CA10: variants seen among roughly 807,000 people sequenced by gnomAD.
CA10 encodes carbonic anhydrase 10 (inactive).
CA10 carries 14 observed loss-of-function variants against 44.2 expected under a neutral mutation model. That is an observed-to-expected ratio of 0.32 (90% CI 0.21 to 0.50). The LOEUF is 0.50. Among genes scored for constraint, CA10 ranks in the 20% least tolerant of loss-of-function variants. The pLI, the probability that CA10 is intolerant of heterozygous loss-of-function variation, is 0.99. For missense variants in CA10, 350 were observed against 409.7 expected, an observed-to-expected ratio of 0.85 and a Z score of 1.26; for synonymous variants, 159 against 141.6, an observed-to-expected ratio of 1.12 and a Z score of -0.87.
At chr17:51,969,613 G>A (rs1007369775) in intron 2 of CA10, among the ~76,000 whole-genome samples, 2 of 151,932 alleles carry the variant, frequency 1.3e-5, no homozygotes, top group East Asian at 1.9e-4. Context: ...GATTGGAACC[G>A]TAAGAAACAG....
rs1914828765 is a variant in CA10 at position 51,681,009 on chromosome 17, A to AGATAAGAT, written c.466-27281_466-27274dup. ...AGGGAATATTTATGGTGCCTATGAA[A>AGATAAGAT]GATAAGATTTGCATGATGGGTGAAG... On this transcript the variant is annotated intron_variant, in intron 4 of 8. Transcript: ENST00000451037. Among the ~76,000 whole-genome samples, 5 of 152,270 alleles carry AGATAAGAT rather than the reference A, an allele frequency of 3.3e-5. No homozygotes were observed. The South Asian group carries it at 1.0e-3, about 32-fold the overall frequency.
At chr17:51,748,728 G>A (rs1405420133) in intron 3 of CA10, among the ~76,000 whole-genome samples, 1 of 152,148 alleles carries the variant, frequency 6.6e-6, no homozygotes, top group African/African-American at 2.4e-5. Flanking sequence ...TGCTTACTCT[G>A]ACTTTGGGCC....
intron 3 of CA10, chr17:51,761,436 T>C (rs570533743): frequency 1.3e-5 from 2 of 152,184 alleles, no homozygotes; most frequent in African/African-American, 2.4e-5. Flanking sequence ...AACCTCTTAA[T>C]ATCTCTCCTA....
intron 4 of CA10, among the ~76,000 whole-genome samples, chr17:51,686,805 G>A (rs1361836996): frequency 6.6e-6 from 1 of 152,032 alleles, no homozygotes; most frequent in African/African-American, 2.4e-5. Context: ...CCCATCCACT[G>A]ATCTCTCAAG....
At chr17:52,144,561 A>G (rs974098685) in intron 1 of CA10, among the ~76,000 whole-genome samples, 7 of 152,318 alleles carry the variant, frequency 4.6e-5, no homozygotes, top group African/African-American at 1.4e-4. Flanking sequence ...ACTGTCTCTG[A>G]AGATGATGCT....
chr17:51,853,624 C>T (rs2083184827), intron 3 of CA10, among the ~76,000 whole-genome samples: 1 of 152,110 alleles, frequency 6.6e-6, no homozygotes, highest in Non-Finnish European at 1.5e-5. Flanking sequence ...TCTTTCTGTC[C>T]ACTGTAGGAT....
At chr17:52,088,361 C>T (rs909244674) in intron 1 of CA10, among the ~76,000 whole-genome samples, 7 of 152,244 alleles carry the variant, frequency 4.6e-5, no homozygotes, top group Admixed American at 1.3e-4. Context: ...TGCAGTCATT[C>T]TACCTAAGAA....
chr17:52,117,248 T>C (rs534720820), intron 1 of CA10, among the ~76,000 whole-genome samples: 2 of 152,270 alleles, frequency 1.3e-5, no homozygotes, highest in Non-Finnish European at 2.9e-5. Flanking sequence ...TGGGACTCCT[T>C]GGGAAAGACA....
At chr17:52,159,769 A>C, upstream of CA10, 1 of 152,126 alleles carries the variant, frequency 6.6e-6, no homozygotes, top group Non-Finnish European at 1.5e-5. Flanking sequence ...AAAGACTTGC[A>C]CCCGGTTGCA....
chr17:51,651,853 G>A lies in CA10; in HGVS notation c.561+1788C>T, dbSNP rs565439315. Among the ~76,000 whole-genome samples the A allele has an allele frequency of 2.6e-5, 4 of 152,306 alleles. No individual in the cohort carries two copies. The South Asian group carries it at 8.3e-4, about 32-fold the overall frequency. On this transcript the variant is annotated intron_variant, in intron 5 of 8. Coordinates refer to ENST00000451037, the MANE Select transcript of CA10 (RefSeq NM_020178.5). ...CAGGATTTGTGCTGGGAAAGTCATA[G>A]GGGGAAGTGAGCTCCTGGACACACA...
chr17:51,924,998 A>G (rs563470012), intron 3 of CA10, among the ~76,000 whole-genome samples: 4 of 152,246 alleles, frequency 2.6e-5, no homozygotes, highest in African/African-American at 7.2e-5. Context: ...GAGATAACCA[A>G]TGTAGGTCTT....
Position 51,635,840 on chromosome 17 carries a change from CAG to C in CA10, c.789+13_789+14del. 1 of 1,539,400 alleles carries C rather than the reference CAG, an allele frequency of 6.5e-7. No homozygotes were observed. Among genetic ancestry groups the C allele is most frequent in the Non-Finnish European group, 8.8e-7 (1 of 1,137,628 alleles). ...CATTCTTCTCCATTAGCTAAATGAC[CAG>C]AGAGAAACTCACCTGCATCCTGGTT... On this transcript the variant is annotated intron_variant, in intron 7 of 8. Transcript: ENST00000451037.
At chr17:52,017,253 G>A (rs944297234) in intron 2 of CA10, among the ~76,000 whole-genome samples, 1 of 152,124 alleles carries the variant, frequency 6.6e-6, no homozygotes, top group African/African-American at 2.4e-5. Flanking sequence ...ACTGACAAAT[G>A]TTGGAAGAGT....
At chr17:51,946,418 A>T (rs981685928) in intron 2 of CA10, among the ~76,000 whole-genome samples, 3 of 152,122 alleles carry the variant, frequency 2.0e-5, no homozygotes, top group African/African-American at 7.2e-5. Context: ...AAGAACACTC[A>T]ATGGCTCCTC....
intron 4 of CA10, among the ~76,000 whole-genome samples, chr17:51,658,059 A>G (rs1162581936): frequency 1.3e-5 from 2 of 152,202 alleles, no homozygotes; most frequent in East Asian, 3.8e-4. Flanking sequence ...TGGAAATGCA[A>G]GACTGAGAAA....
chr17:52,131,106 TA>T (rs1429210197), intron 1 of CA10, among the ~76,000 whole-genome samples: 24 of 145,144 alleles, frequency 1.7e-4, no homozygotes, highest in South Asian at 6.7e-4. Context: ...ATTTTTATTT[TA>T]TTTTTTTTTA....
chr17:52,151,292 T>C lies in CA10; in HGVS notation c.61+6434A>G, dbSNP rs571604836. On this transcript the variant is annotated intron_variant, in intron 1 of 8. Transcript: ENST00000451037. ...CTCCATATGCCCAATCCACCATACT[T>C]TGATATTTTGTTTTTTAAATATCTT... 7.9e-5 allele frequency among the ~76,000 whole-genome samples: 12 copies of C among 152,272 alleles called. No individual in the cohort carries two copies. The East Asian group carries it at 1.7e-3, about 22-fold the overall frequency.
chr17:52,004,319 C>T (rs1387203141), intron 2 of CA10, among the ~76,000 whole-genome samples: 2 of 151,910 alleles, frequency 1.3e-5, no homozygotes, highest in African/African-American at 4.8e-5. Flanking sequence ...ACAAGTTTCT[C>T]ACTTCATAAT....
At chr17:51,924,927 C>A (rs1226597742) in intron 3 of CA10, among the ~76,000 whole-genome samples, 1 of 152,178 alleles carries the variant, frequency 6.6e-6, no homozygotes, top group Middle Eastern at 3.2e-3. Context: ...GTAGTTTTAG[C>A]CTTTGCTGGG....
Sources: allele counts gnomAD v4.1 joint callset (sites outside exome capture counted in the v4.1 genomes callset), GRCh38; gene constraint gnomAD v4.1.1; transcripts MANE v1.5; gene names NCBI Gene and HGNC (gene_info 2026-07-23, HGNC 2026-07-21).